Variants in PCDH18 observed in about 807,000 individuals in gnomAD.
PCDH18 encodes protocadherin-18.
A neutral mutation model predicts 71.5 loss-of-function variants in PCDH18; 38 were observed. The ratio of observed to expected loss-of-function variants is 0.53; its 90% CI spans 0.41 to 0.70. The LOEUF is 0.70. Among genes scored for constraint, PCDH18 ranks in the 30% least tolerant of loss-of-function variants. PCDH18 has a pLI of 0.00. For missense variants in PCDH18, 1,334 were observed against 1,384.6 expected (o/e 0.96, Z 0.58); for synonymous variants, 565 against 505.4 (o/e 1.12, Z -1.58).
In PCDH18 at chr4:137,519,077, G is replaced by T. The variant is rs1353503416; in HGVS notation, c.*1952C>A. The T allele has an allele frequency of 6.6e-6, 1 of 152,154 alleles. No homozygotes were observed. Among genetic ancestry groups the T allele is most frequent in the African/African-American group, 2.4e-5 (1 of 41,436 alleles). 9.4% of individuals were successfully genotyped at this position (152,154 alleles called of 1,614,324 possible). On this transcript the variant is annotated 3_prime_UTR_variant, in exon 4 of 4. Coordinates refer to ENST00000344876, the MANE Select transcript of PCDH18 (RefSeq NM_019035.5). ...GTAATATATACTGAAAGGAAGTGAA[G>T]TTGAAAGGCAGAATGCATTTAAATA... is the stretch of plus-strand genomic sequence containing the variant.
In PCDH18 at chr4:137,531,885, G is replaced by T; in HGVS notation, c.204C>A (p.Ala68=). The change falls in exon 1 of 4, where the codon GCC becomes GCA. Residue 68 remains alanine (A), a synonymous_variant. Coordinates refer to ENST00000344876, the MANE Select transcript of PCDH18 (RefSeq NM_019035.5). ...GTAGAGGAGAATTTCCCCTCTGCATGGCTCGAAATCGAACAGTAGAAGGAT... is the reference window on the plus strand; with the variant it reads ...GTAGAGGAGAATTTCCCCTCTGCATTGCTCGAAATCGAACAGTAGAAGGAT... ...LPNPSTVRFR[A]MQRGNSPLLV... The T allele has an allele frequency of 6.2e-7, 1 of 1,613,880 alleles. No individual in the cohort carries two copies. The highest frequency in any genetic ancestry group is 8.5e-7 in the Non-Finnish European group (1 of 1,179,910).
chr4:137,525,003 AAAGT>A (rs1345015284), intron 3 of PCDH18, among the ~76,000 whole-genome samples: 1 of 152,168 alleles, frequency 6.6e-6, no homozygotes, highest in Non-Finnish European at 1.5e-5. Flanking sequence ...AAGAATATTT[AAAGT>A]AAGTAATCAG....
chr4:137,521,626 G>T lies in PCDH18; in HGVS notation c.2811C>A (p.Pro937=). 1 of 1,613,174 alleles carries T rather than the reference G, an allele frequency of 6.2e-7. No individual in the cohort carries two copies. Among genetic ancestry groups the T allele is most frequent in the East Asian group, 2.2e-5 (1 of 44,864 alleles). The change falls in exon 4 of 4, where the codon CCC becomes CCA. Residue 937 remains proline, a synonymous_variant. Coordinates refer to ENST00000344876, the MANE Select transcript of PCDH18 (RefSeq NM_019035.5). ...TACTCCTATAATCAGAAGACGGTGA[G>T]GGCAGTGGTGGCATCCAGCACTGGT... is the stretch of plus-strand genomic sequence containing the variant. ...HSDQCWMPPL[P]SPSSDYRSNM... is the part of the protein sequence containing the mutation.
rs1215197729 is a variant in PCDH18, at chr4:137,520,017, T to C, written c.*1012A>G. The stretch of plus-strand genomic sequence containing the variant: ...GACAAAAGCTAAAAATGAATAGTTA[T>C]AACAAAGAAAGACAATATTCCAAAA... On this transcript the variant is annotated 3_prime_UTR_variant, in exon 4 of 4. Coordinates refer to ENST00000344876, the MANE Select transcript of PCDH18 (RefSeq NM_019035.5). 1 of 152,518 alleles carries C rather than the reference T, an allele frequency of 6.6e-6. No individual in the cohort carries two copies. Among genetic ancestry groups the C allele is most frequent in the Non-Finnish European group, 1.5e-5 (1 of 68,006 alleles). 9.4% of individuals were successfully genotyped at this position (152,518 alleles called of 1,614,324 possible). A position where few individuals can be genotyped will look rare whatever the true frequency, so the allele number is the denominator to read the frequency against.
In PCDH18 at chr4:137,531,369, A is replaced by G; in HGVS notation, c.720T>C (p.Asn240=). ...GCTGCTCAAAAGCAGGGCTGTTGTC[A>G]TTGGAGTCTGAAATGCTTATTTTTA... is the stretch of plus-strand genomic sequence containing the variant. ...SILKISISDS[N]DNSPAFEQQS... is the part of the protein sequence containing the mutation. The change falls in exon 1 of 4, where the codon AAT becomes AAC. Residue 240 remains asparagine (N), a synonymous_variant. Transcript: ENST00000344876. 2 of 1,613,554 alleles carry G rather than the reference A, an allele frequency of 1.2e-6. No individual in the cohort carries two copies. The highest frequency in any genetic ancestry group is 1.7e-6 in the Non-Finnish European group (2 of 1,179,848).
intron 3 of PCDH18, among the ~76,000 whole-genome samples, chr4:137,525,011 T>C (rs544642689): frequency 6.6e-6 from 1 of 152,196 alleles, no homozygotes; most frequent in East Asian, 1.9e-4. Flanking sequence ...TTAAAGTAAG[T>C]AATCAGAGAC....
Position 137,531,916 on chromosome 4 carries a change from A to T in PCDH18, c.173T>A (p.Leu58His). 6.2e-7 allele frequency: 1 copy of T among 1,614,114 alleles called. No individual in the cohort carries two copies. Among genetic ancestry groups the T allele is most frequent in the Non-Finnish European group, 8.5e-7 (1 of 1,180,000 alleles). ...AAATCGAACAGTAGAAGGATTAGGA[A>T]GCTTCAATAAAACATCAGCCACATC... ...SEDVADVLLKLPNPSTVRFRA... is the reference protein window; with the variant it reads ...SEDVADVLLKHPNPSTVRFRA... The change falls in exon 1 of 4, where the codon CTT becomes CAT. Residue 58 changes from leucine (L) to histidine (H), a missense_variant. By Grantham distance (99) the Leu-to-His change is moderately conservative. Around this residue, in one of 3 missense-constraint regions of PCDH18, gnomAD observed 1,011 missense variants for 1,048.0 expected, o/e 0.96. Coordinates refer to ENST00000344876, the MANE Select transcript of PCDH18 (RefSeq NM_019035.5).
At position 137,531,654 on chromosome 4, in the gene PCDH18, C is replaced by A. The variant is rs148843120; in HGVS notation, c.435G>T (p.Glu145Asp). Residue 145 changes from glutamate to aspartate, a missense_variant, in exon 1 of 4, where the codon GAG becomes GAT. By Grantham distance (45) the Glu-to-Asp change is conservative (BLOSUM62 2). This residue lies in a region of PCDH18 where 1,011 missense variants were observed against 1,048.0 expected (regional missense o/e 0.96). Coordinates refer to ENST00000344876, the MANE Select transcript of PCDH18 (RefSeq NM_019035.5). Reference sequence around the variant, plus strand: ...TCCCAACTGCTGCACTCTCAGATATCTCAATAGGTATGAGAGATCTTGAAA... The same window carrying A: ...TCCCAACTGCTGCACTCTCAGATATATCAATAGGTATGAGAGATCTTGAAA... ...PQFSRSLIPI[E>D]ISESAAVGTR... 568 of 1,613,992 alleles carry A rather than the reference C, an allele frequency of 3.5e-4. No individual in the cohort carries two copies. Among genetic ancestry groups the A allele is most frequent in the Non-Finnish European group, 4.6e-4 (541 of 1,179,884 alleles).
intron 3 of PCDH18, among the ~76,000 whole-genome samples, chr4:137,525,462 G>A (rs890312232): frequency 6.6e-6 from 1 of 152,000 alleles, no homozygotes; most frequent in Non-Finnish European, 1.5e-5. Flanking sequence ...TTCTCTACTT[G>A]GGATATTTTC....
At chr4:137,528,135 G>A (rs575159920) in intron 3 of PCDH18, among the ~76,000 whole-genome samples, 2 of 152,106 alleles carry the variant, frequency 1.3e-5, no homozygotes, top group Non-Finnish European at 2.9e-5. Flanking sequence ...CAATAATTTT[G>A]CAAAGAGTTA....
In PCDH18 at chr4:137,529,631, C is replaced by G. The variant is rs749095485; in HGVS notation, c.2458G>C (p.Glu820Gln). Residue 820 changes from glutamate to glutamine, a missense_variant, in exon 1 of 4, where the codon GAA becomes CAA. Transcript: ENST00000344876. ...ACAGCAGGAGTGGCGTGGGTGAGTT[C>G]TAATGAGAAATTCTCTGGCACGTGG... ...SNHVPENFSL[E>Q]LTHATPAVEQ... 10 of 1,610,190 alleles carry G rather than the reference C, an allele frequency of 6.2e-6. No homozygotes were observed. In the East Asian group the frequency reaches 1.1e-4, roughly 18 times the overall value.
chr4:137,528,658 C>G lies in PCDH18; in HGVS notation c.2577-17G>C, dbSNP rs10006580. 0.44 allele frequency: 708,717 copies of G among 1,604,588 alleles called. 161,021 individuals carry two copies. The highest frequency in any genetic ancestry group is 0.78 in the African/African-American group (58,146 of 74,552). On this transcript the variant is annotated splice_polypyrimidine_tract_variant and intron_variant, in intron 2 of 3. Transcript: ENST00000344876. ...AGGGCATATCTGGAAAGATAAATCA[C>G]AAAAAAAAATTACAGTTTTTACTCT...
chr4:137,531,542 TA>T lies in PCDH18; in HGVS notation c.546del (p.Phe182LeufsTer18). ...HTYSLSANDF[F>X]NIEVRTRTDG... ...TCAGTCCTGGTCCGAACCTCGATAT[TA>T]AAAAAATCATTGGCAGAGAGCGAGT... On this transcript the variant is annotated frameshift_variant, in exon 1 of 4. Transcript: ENST00000344876. LOFTEE classifies it high-confidence loss of function. 1 of 1,613,074 alleles carries T rather than the reference TA, an allele frequency of 6.2e-7. No homozygotes were observed. The highest frequency in any genetic ancestry group is 8.5e-7 in the Non-Finnish European group (1 of 1,179,544).
In PCDH18 at chr4:137,530,686, C is replaced by A. The variant is rs1275549197; in HGVS notation, c.1403G>T (p.Ser468Ile). The change falls in exon 1 of 4, where the codon AGC becomes ATC. Residue 468 changes from serine (S) to isoleucine (I), a missense_variant. Ser to Ile is a moderately radical substitution (Grantham distance 142). This residue lies in a region of PCDH18 where 1,011 missense variants were observed against 1,048.0 expected (regional missense o/e 0.96). Coordinates refer to ENST00000344876, the MANE Select transcript of PCDH18 (RefSeq NM_019035.5). ...INDNPPHFQR[S>I]RYEFVISENN... ...TTCTGAAATTACAAATTCATATCGGCTTCTCTGGAAGTGGGGTGGATTGTC... is the reference window on the plus strand; with the variant it reads ...TTCTGAAATTACAAATTCATATCGGATTCTCTGGAAGTGGGGTGGATTGTC... The A allele has an allele frequency of 6.2e-7, 1 of 1,612,710 alleles. No individual in the cohort carries two copies. The highest frequency in any genetic ancestry group is 8.5e-7 in the Non-Finnish European group (1 of 1,179,398).
chr4:137,520,672 C>T lies in PCDH18; in HGVS notation c.*357G>A, dbSNP rs1731262330. On this transcript the variant is annotated 3_prime_UTR_variant, in exon 4 of 4. Transcript: ENST00000344876. ...ATACAACATAATAATTCTTCCCCAACAAAACTAATCTAAGCAGTGCCTTTA... is the reference window on the plus strand; with the variant it reads ...ATACAACATAATAATTCTTCCCCAATAAAACTAATCTAAGCAGTGCCTTTA... 1 of 171,016 alleles carries T rather than the reference C, an allele frequency of 5.8e-6. No homozygotes were observed. The highest frequency in any genetic ancestry group is 1.2e-5 in the Non-Finnish European group (1 of 80,702). 10.6% of individuals were successfully genotyped at this position (171,016 alleles called of 1,614,324 possible). A position where few individuals can be genotyped will look rare whatever the true frequency, so the allele number is the denominator to read the frequency against.
Position 137,532,281 on chromosome 4 carries a change from G to A in PCDH18, c.-193C>T, listed in dbSNP as rs1296925546. The A allele has an allele frequency of 4.3e-6, 3 of 704,202 alleles. No individual in the cohort carries two copies. Among genetic ancestry groups the A allele is most frequent in the Non-Finnish European group, 5.2e-6 (2 of 386,218 alleles). The allele number at this position is 704,202 out of a possible 1,614,324, so 43.6% of individuals were successfully genotyped here. A position where few individuals can be genotyped will look rare whatever the true frequency, so the allele number is the denominator to read the frequency against. On this transcript the variant is annotated 5_prime_UTR_variant, in exon 1 of 4. Coordinates refer to ENST00000344876, the MANE Select transcript of PCDH18 (RefSeq NM_019035.5). ...GTGTCACGACTTCCAGATACCTTCG[G>A]CATGGAGTCCAGTCCTTGCGTTTGT...
In PCDH18 at chr4:137,531,875, C is replaced by A. The variant is rs1288677400; in HGVS notation, c.214G>T (p.Gly72Ter). 1.2e-6 allele frequency: 2 copies of A among 1,613,332 alleles called. No individual in the cohort carries two copies. Among genetic ancestry groups the A allele is most frequent in the African/African-American group, 1.3e-5 (1 of 74,896 alleles). Residue 72 changes from glycine (G) to a stop codon, truncating the protein, a stop_gained, in exon 1 of 4, where the codon GGA becomes TGA. Coordinates refer to ENST00000344876, the MANE Select transcript of PCDH18 (RefSeq NM_019035.5). LOFTEE classifies it high-confidence loss of function. ...STVRFRAMQR[G>*]NSPLLVVNED... The stretch of plus-strand genomic sequence containing the variant: ...TTTACTACAAGTAGAGGAGAATTTC[C>A]CCTCTGCATGGCTCGAAATCGAACA...
rs1731661892 is a variant in PCDH18, at chr4:137,530,874, A to C, written c.1215T>G (p.Phe405Leu). ...IVCKLHGHGH[F>L]KLQKTYENNY... is the part of the protein sequence containing the mutation. The stretch of plus-strand genomic sequence containing the variant: ...TGTTTTCATATGTCTTCTGAAGTTT[A>C]AAGTGACCATGTCCATGAAGCTTAC... Residue 405 changes from phenylalanine (F) to leucine (L), a missense_variant, in exon 1 of 4, where the codon TTT becomes TTG. By Grantham distance (22) the Phe-to-Leu change is conservative (BLOSUM62 0). Around this residue, in one of 3 missense-constraint regions of PCDH18, gnomAD observed 1,011 missense variants for 1,048.0 expected, o/e 0.96. Transcript: ENST00000344876. 1 of 1,611,448 alleles carries C rather than the reference A, an allele frequency of 6.2e-7. No homozygotes were observed. The highest frequency in any genetic ancestry group is 8.5e-7 in the Non-Finnish European group (1 of 1,178,736).
chr4:137,530,874 A>G lies in PCDH18; in HGVS notation c.1215T>C (p.Phe405=). The G allele has an allele frequency of 6.2e-7, 1 of 1,611,566 alleles. No individual in the cohort carries two copies. Among genetic ancestry groups the G allele is most frequent in the Non-Finnish European group, 8.5e-7 (1 of 1,178,728 alleles). ...IVCKLHGHGH[F]KLQKTYENNY... ...TGTTTTCATATGTCTTCTGAAGTTT[A>G]AAGTGACCATGTCCATGAAGCTTAC... Residue 405 remains phenylalanine, a synonymous_variant, in exon 1 of 4, where the codon TTT becomes TTC. Transcript: ENST00000344876.
Sources: allele counts gnomAD v4.1 joint callset (sites outside exome capture counted in the v4.1 genomes callset), GRCh38; gene constraint gnomAD v4.1.1; regional missense constraint gnomAD v4.1.1; transcripts MANE v1.5; gene names NCBI Gene and HGNC (gene_info 2026-07-23, HGNC 2026-07-21).